KIRREL3: variants seen among roughly 807,000 people sequenced by gnomAD.
KIRREL3 encodes kin of IRRE-like protein 3.
In KIRREL3, 36 loss-of-function variants were observed where a neutral mutation model predicts 89.7. The ratio of observed to expected loss-of-function variants is 0.40; its 90% confidence interval spans 0.31 to 0.53. The LOEUF (loss-of-function observed/expected upper bound fraction) is 0.53, where lower values mean the gene tolerates loss of function less well. Ranked by LOEUF, KIRREL3 falls within the 20% of genes least tolerant of loss-of-function variation. The pLI is 0.49. For synonymous variants in KIRREL3, 445 were observed against 441.4 expected, an observed-to-expected ratio of 1.01 and a Z score of -0.10; for missense variants, 864 against 1,056.6, an observed-to-expected ratio of 0.82 and a Z score of 2.53.
In KIRREL3 at chr11:126,860,074, C is replaced by T. The variant is rs977582232; in HGVS notation, c.55+140381G>A. On this transcript the variant is annotated intron_variant, in intron 1 of 16. Coordinates refer to ENST00000525144, the MANE Select transcript of KIRREL3 (RefSeq NM_032531.4). The surrounding 1 kb of genome is among the most constrained non-coding windows in gnomAD (Gnocchi z 4.6). Reference sequence around the variant, plus strand: ...TCTGAAAGGGGACAGACATTTTTGACCAATAGATTAAGTAGCAGGAATTCA... The same window carrying T: ...TCTGAAAGGGGACAGACATTTTTGATCAATAGATTAAGTAGCAGGAATTCA... Among the ~76,000 whole-genome samples, 5 of 151,942 alleles carry T rather than the reference C, an allele frequency of 3.3e-5. No individual in the cohort carries two copies. The highest frequency in any genetic ancestry group is 1.2e-4 in the African/African-American group (5 of 41,342).
At chr11:126,693,250 C>T (rs1385152473) in intron 1 of KIRREL3, among the ~76,000 whole-genome samples, 1 of 152,138 alleles carries the variant, frequency 6.6e-6, no homozygotes, top group Non-Finnish European at 1.5e-5. Context: ...GAAACCCTGT[C>T]TCCAGTAAAA....
At position 126,704,467 on chromosome 11, in the gene KIRREL3, C is replaced by G. The variant is rs138721847; in HGVS notation, c.56-141555G>C. 3.3e-5 allele frequency among the ~76,000 whole-genome samples: 5 copies of G among 152,344 alleles called. No individual in the cohort carries two copies. In the East Asian group the frequency reaches 9.6e-4, roughly 29 times the overall value. ...GCTGTAGGGGCTCACAGTCTTGTCA[C>G]TTAGAAGGTCTGTCTGAGAGACCTT... On this transcript the variant is annotated intron_variant, in intron 1 of 16. Coordinates refer to ENST00000525144, the MANE Select transcript of KIRREL3 (RefSeq NM_032531.4). This position sits in a 1 kb window ranked among gnomAD's most constrained non-coding sequence, Gnocchi z 4.2.
At chr11:126,493,148 G>A (rs1442850063) in intron 4 of KIRREL3, among the ~76,000 whole-genome samples, 1 of 152,228 alleles carries the variant, frequency 6.6e-6, no homozygotes, top group Non-Finnish European at 1.5e-5. Context: ...GCAGGCAGCA[G>A]CCCTCCTGGA....
At chr11:126,596,654 C>T (rs61901081) in intron 1 of KIRREL3, among the ~76,000 whole-genome samples, 1,967 of 152,288 alleles carry the variant, frequency 0.013, 19 homozygotes, top group Middle Eastern at 0.024. Context: ...GGCAGGCATG[C>T]GGGAGTGGGG....
rs984716398 is a variant in KIRREL3 at position 126,508,654 on chromosome 11, G to C, written c.433+12661C>G. Among the ~76,000 whole-genome samples the C allele has an allele frequency of 6.6e-6, 1 of 152,168 alleles. No homozygotes were observed. Among genetic ancestry groups the C allele is most frequent in the African/African-American group, 2.4e-5 (1 of 41,426 alleles). On this transcript the variant is annotated intron_variant, in intron 4 of 16. Coordinates refer to ENST00000525144, the MANE Select transcript of KIRREL3 (RefSeq NM_032531.4). This position sits in a 1 kb window ranked among gnomAD's most constrained non-coding sequence, Gnocchi z 4.9. ...AGAGAGTGGAGTTTGGAAAAGAGGA[G>C]GGGCATAATTGAGCATAAAGGGCCA...
rs974176342 is a variant in KIRREL3, at chr11:126,569,171, G to C, written c.56-6259C>G. Among the ~76,000 whole-genome samples the C allele has an allele frequency of 1.3e-5, 2 of 152,176 alleles. No individual in the cohort carries two copies. Among genetic ancestry groups the C allele is most frequent in the African/African-American group, 4.8e-5 (2 of 41,434 alleles). ...ATATAATGGACAAAGAGACATGTCT[G>C]TATCAGAGTAGGGTGATGACAAAGG... On this transcript the variant is annotated intron_variant, in intron 1 of 16. Transcript: ENST00000525144. The surrounding 1 kb of genome is among the most constrained non-coding windows in gnomAD (Gnocchi z 6.5).
In KIRREL3 at chr11:126,814,242, A is replaced by T. The variant is rs1280393754; in HGVS notation, c.55+186213T>A. 1.3e-5 allele frequency among the ~76,000 whole-genome samples: 2 copies of T among 151,084 alleles called. No individual in the cohort carries two copies. The highest frequency in any genetic ancestry group is 3.9e-4 in the East Asian group (2 of 5,150). ...GCCAGGCAGAATGGCTTTTTTTTTA[A>T]AATTAAAAAGTCAAAAAGCAACAGA... is the stretch of plus-strand genomic sequence containing the variant. On this transcript the variant is annotated intron_variant, in intron 1 of 16. Coordinates refer to ENST00000525144, the MANE Select transcript of KIRREL3 (RefSeq NM_032531.4). This position sits in a 1 kb window ranked among gnomAD's most constrained non-coding sequence, Gnocchi z 4.4.
Position 126,486,337 on chromosome 11 carries a change from G to A in KIRREL3, c.434-12871C>T, listed in dbSNP as rs1056896246. On this transcript the variant is annotated intron_variant, in intron 4 of 16. Coordinates refer to ENST00000525144, the MANE Select transcript of KIRREL3 (RefSeq NM_032531.4). The surrounding 1 kb of genome is among the most constrained non-coding windows in gnomAD (Gnocchi z 6.2). ...GAGAGAGGAAGGGGTGAGTAGGGCTGGGGCAGGAAGGCCAGTGTGTGGTGC... is the reference window on the plus strand; with the variant it reads ...GAGAGAGGAAGGGGTGAGTAGGGCTAGGGCAGGAAGGCCAGTGTGTGGTGC... Among the ~76,000 whole-genome samples, 3 of 152,148 alleles carry A rather than the reference G, an allele frequency of 2.0e-5. No individual in the cohort carries two copies. The highest frequency in any genetic ancestry group is 7.2e-5 in the African/African-American group (3 of 41,420).
At chr11:126,968,058 G>A (rs1949326177) in intron 1 of KIRREL3, among the ~76,000 whole-genome samples, 1 of 152,074 alleles carries the variant, frequency 6.6e-6, no homozygotes, top group Non-Finnish European at 1.5e-5. Context: ...ATAGACATTT[G>A]CAAAGGACTT....
At chr11:126,524,682 G>A (rs576424593) in intron 3 of KIRREL3, among the ~76,000 whole-genome samples, 1 of 152,248 alleles carries the variant, frequency 6.6e-6, no homozygotes, top group South Asian at 2.1e-4. Context: ...ATCATTTCTG[G>A]GAGATTCGGG....
chr11:126,478,621 ATG>A (rs1491429618), intron 4 of KIRREL3, among the ~76,000 whole-genome samples: 1 of 149,632 alleles, frequency 6.7e-6, no homozygotes, highest in Non-Finnish European at 1.5e-5. Context: ...ATATGTGTGT[ATG>A]TGTGTATGCG....
rs913633692 is a variant in KIRREL3 at position 126,822,365 on chromosome 11, G to A, written c.55+178090C>T. On this transcript the variant is annotated intron_variant, in intron 1 of 16. Transcript: ENST00000525144. Reference sequence around the variant, plus strand: ...TTATTTGTTGTATGGGAAGGAGAAGGAGCCTTGGTGAGTGCTCTAGAACTT... The same window carrying A: ...TTATTTGTTGTATGGGAAGGAGAAGAAGCCTTGGTGAGTGCTCTAGAACTT... 4.6e-5 allele frequency among the ~76,000 whole-genome samples: 7 copies of A among 152,306 alleles called. No homozygotes were observed. The South Asian group carries it at 1.5e-3, about 32-fold the overall frequency.
chr11:126,749,673 C>T lies in KIRREL3; in HGVS notation c.56-186761G>A, dbSNP rs547180138. 5.3e-5 allele frequency among the ~76,000 whole-genome samples: 8 copies of T among 152,040 alleles called. No individual in the cohort carries two copies. The South Asian group carries it at 1.5e-3, about 28-fold the overall frequency. On this transcript the variant is annotated intron_variant, in intron 1 of 16. Coordinates refer to ENST00000525144, the MANE Select transcript of KIRREL3 (RefSeq NM_032531.4). Reference sequence around the variant, plus strand: ...AAAAAAAAGTCAGCCATTCATCTTCCGAGAAGAAAATACAAAAGTCCACCC... The same window carrying T: ...AAAAAAAAGTCAGCCATTCATCTTCTGAGAAGAAAATACAAAAGTCCACCC...
At chr11:126,503,590 T>G (rs368747473) in intron 4 of KIRREL3, among the ~76,000 whole-genome samples, 56 of 152,288 alleles carry the variant, frequency 3.7e-4, no homozygotes, top group African/African-American at 1.3e-3. Context: ...AGAGGTGGTT[T>G]GCTGTGGACT....
At chr11:126,716,853 G>A (rs1306828275) in intron 1 of KIRREL3, among the ~76,000 whole-genome samples, 1 of 151,926 alleles carries the variant, frequency 6.6e-6, no homozygotes, top group Non-Finnish European at 1.5e-5. Flanking sequence ...TATTTGCAGT[G>A]GGTGCCTGTT....
Position 126,435,447 on chromosome 11 carries a change from A to G in KIRREL3, c.1553-144T>C, listed in dbSNP as rs948958505. The G allele has an allele frequency of 1.9e-5, 15 of 790,078 alleles. No individual in the cohort carries two copies. The South Asian group carries it at 2.3e-4, about 12-fold the overall frequency. The allele number at this position is 790,078 out of a possible 1,614,324, so 48.9% of individuals were successfully genotyped here. A position where few individuals can be genotyped will look rare whatever the true frequency, so the allele number is the denominator to read the frequency against. ...TGGGACCCCCCAACAGATCCAGGCT[A>G]GCCCAGCTGAACTTGGAGTTCATTC... On this transcript the variant is annotated intron_variant, in intron 12 of 16. Transcript: ENST00000525144.
Position 126,528,376 on chromosome 11 carries a change from G to A in KIRREL3, c.134-1689C>T, listed in dbSNP as rs1958828744. On this transcript the variant is annotated intron_variant, in intron 2 of 16. Coordinates refer to ENST00000525144, the MANE Select transcript of KIRREL3 (RefSeq NM_032531.4). This position sits in a 1 kb window ranked among gnomAD's most constrained non-coding sequence, Gnocchi z 4.6. The stretch of plus-strand genomic sequence containing the variant: ...ACCCCAAGAGGGAGACACTTGGTGT[G>A]TATCAACCCAGGGGAGCTTGGATGG... Among the ~76,000 whole-genome samples the A allele has an allele frequency of 6.6e-6, 1 of 152,220 alleles. No individual in the cohort carries two copies. Among genetic ancestry groups the A allele is most frequent in the African/African-American group, 2.4e-5 (1 of 41,458 alleles).
Position 126,424,370 on chromosome 11 carries a change from T to TCCC in KIRREL3, c.*207_*209dup. ...CACTCAGCCGCAGCCTCTGTCTGTCTCCCCACCCGCCCACCTCTGGCACAC... is the reference window on the plus strand; with the variant it reads ...CACTCAGCCGCAGCCTCTGTCTGTCTCCCCCCCACCCGCCCACCTCTGGCACAC... On this transcript the variant is annotated 3_prime_UTR_variant, in exon 17 of 17. Coordinates refer to ENST00000525144, the MANE Select transcript of KIRREL3 (RefSeq NM_032531.4). 4.1e-6 allele frequency: 2 copies of TCCC among 483,204 alleles called. No homozygotes were observed. The highest frequency in any genetic ancestry group is 7.7e-6 in the Non-Finnish European group (2 of 260,498). The allele number at this position is 483,204 out of a possible 1,614,324, so 29.9% of individuals were successfully genotyped here. A position where few individuals can be genotyped will look rare whatever the true frequency, so the allele number is the denominator to read the frequency against.
rs962455304 is a variant in KIRREL3, at chr11:126,526,722, G to C, written c.134-35C>G. ...AGACAAACACAATGGTCAGTTATCTGCCGGCTACAGGGGCGAGAAGGCTCC... is the reference window on the plus strand; with the variant it reads ...AGACAAACACAATGGTCAGTTATCTCCCGGCTACAGGGGCGAGAAGGCTCC... On this transcript the variant is annotated intron_variant, in intron 2 of 16. Coordinates refer to ENST00000525144, the MANE Select transcript of KIRREL3 (RefSeq NM_032531.4). This position sits in a 1 kb window ranked among gnomAD's most constrained non-coding sequence, Gnocchi z 5.7. 1 of 1,542,586 alleles carries C rather than the reference G, an allele frequency of 6.5e-7. No homozygotes were observed. Among genetic ancestry groups the C allele is most frequent in the Non-Finnish European group, 8.8e-7 (1 of 1,139,478 alleles).
Sources: gnomAD v4.1 joint callset for allele counts (sites outside exome capture counted in the v4.1 genomes callset) on GRCh38, gnomAD v4.1.1 for gene constraint, Gnocchi (gnomAD v3.1) non-coding constraint, MANE v1.5 for transcripts, NCBI Gene and HGNC (gene_info 2026-07-23, HGNC 2026-07-21) for gene names.